Variants in HTR6 observed in about 807,000 individuals in gnomAD.
The protein encoded by HTR6 is 5-hydroxytryptamine receptor 6, also known as 5-hydroxytryptamine (serotonin) receptor 6, G protein-coupled.
A neutral mutation model predicts 17.4 loss-of-function variants in HTR6; 15 were observed. The ratio of observed to expected loss-of-function variants is 0.86; its 90% CI spans 0.58 to 1.33. The LOEUF is 1.33. HTR6 is among the 40% of genes most tolerant of loss of function. The pLI, the probability that HTR6 is intolerant of heterozygous loss-of-function variation, is 0.00. For synonymous variants in HTR6, 326 were observed against 295.5 expected (o/e 1.10, Z -1.06); for missense variants, 578 against 616.0 (o/e 0.94, Z 0.65).
chr1:19,665,762 A>G lies in HTR6; in HGVS notation c.9A>G (p.Pro3=). Residue 3 remains proline (P), a synonymous_variant, in exon 1 of 3, where the codon CCA becomes CCG. Transcript: ENST00000289753. The surrounding 1 kb of genome is among the most constrained non-coding windows in gnomAD (Gnocchi z 4.2). ...GTCCACCCTCGGTCCTCATGGTCCC[A>G]GAGCCGGGCCCAACCGCCAATAGCA... MV[P]EPGPTANSTP... 6.7e-7 allele frequency: 1 copy of G among 1,491,612 alleles called. No individual in the cohort carries two copies. The highest frequency in any genetic ancestry group is 8.9e-7 in the Non-Finnish European group (1 of 1,127,980). 92.4% of individuals were successfully genotyped at this position (1,491,612 alleles called of 1,614,324 possible).
rs772134041 is a variant in HTR6, at chr1:19,678,475, C to T, written c.715-92C>T. ...TTTAATCCTGGCACTAGGGCTCAGT[C>T]TAGAATTAGGATTGAAGCTCAGTCT... On this transcript the variant is annotated intron_variant, in intron 1 of 2. Coordinates refer to ENST00000289753, the MANE Select transcript of HTR6 (RefSeq NM_000871.3). 3 of 1,486,564 alleles carry T rather than the reference C, an allele frequency of 2.0e-6. No homozygotes were observed. The Admixed American group carries it at 5.0e-5, about 25-fold the overall frequency. 92.1% of individuals were successfully genotyped at this position (1,486,564 alleles called of 1,614,324 possible).
At position 19,665,538 on chromosome 1, in the gene HTR6, G is replaced by A. The variant is rs201655638; in HGVS notation, c.-216G>A. The A allele has an allele frequency of 3.1e-5, 14 of 446,128 alleles. No individual in the cohort carries two copies. In the South Asian group the frequency reaches 8.7e-4, roughly 28 times the overall value. The allele number at this position is 446,128 out of a possible 1,614,324, so 27.6% of individuals were successfully genotyped here. Reference sequence around the variant, plus strand: ...GAGTTCCTGCCCCATCCCCGAGGGCGCCCAAATAGCCACACTGTGTCCTCC... The same window carrying A: ...GAGTTCCTGCCCCATCCCCGAGGGCACCCAAATAGCCACACTGTGTCCTCC... On this transcript the variant is annotated 5_prime_UTR_variant, in exon 1 of 3. Coordinates refer to ENST00000289753, the MANE Select transcript of HTR6 (RefSeq NM_000871.3). This position sits in a 1 kb window ranked among gnomAD's most constrained non-coding sequence, Gnocchi z 4.2.
chr1:19,674,640 A>C (rs1346230115), intron 1 of HTR6, among the ~76,000 whole-genome samples: 3 of 152,172 alleles, frequency 2.0e-5, no homozygotes, highest in African/African-American at 7.2e-5. Context: ...TACTGACCTC[A>C]AGTGATCTGC....
intron 1 of HTR6, among the ~76,000 whole-genome samples, chr1:19,670,617 C>T (rs745899278): frequency 1.3e-5 from 2 of 152,006 alleles, no homozygotes; most frequent in Non-Finnish European, 2.9e-5. Context: ...GTGCACATCG[C>T]CACACCGGGC....
At chr1:19,677,860 C>T (rs996692024) in intron 1 of HTR6, among the ~76,000 whole-genome samples, 2 of 152,232 alleles carry the variant, frequency 1.3e-5, no homozygotes, top group African/African-American at 4.8e-5. Context: ...CTGCCTCAGT[C>T]TCCTGAGTAG....
intron 1 of HTR6, among the ~76,000 whole-genome samples, chr1:19,676,303 C>T (rs138903045): frequency 2.0e-5 from 3 of 152,278 alleles, no homozygotes; most frequent in Non-Finnish European, 4.4e-5. Context: ...GATCACAGAG[C>T]GAGTAAGTGG....
chr1:19,675,215 A>G (rs997255449), intron 1 of HTR6, among the ~76,000 whole-genome samples: 9 of 152,182 alleles, frequency 5.9e-5, no homozygotes, highest in Non-Finnish European at 8.8e-5. Context: ...CTGGCAAGTC[A>G]TTTTGCCTCT....
intron 1 of HTR6, among the ~76,000 whole-genome samples, chr1:19,669,419 C>T (rs1178527579): frequency 6.6e-6 from 1 of 152,206 alleles, no homozygotes; most frequent in African/African-American, 2.4e-5. Flanking sequence ...CCCTGTTAGA[C>T]AGGTGGGGAA....
rs1373464300 is a variant in HTR6 at position 19,680,181 on chromosome 1, G to A, written c.*813G>A. ...TGTCTTGAGAATTAAGACAATGTGT[G>A]CCCAGCACCCAGTACACGGTCAGTT... On this transcript the variant is annotated 3_prime_UTR_variant, in exon 3 of 3. Transcript: ENST00000289753. Among the ~76,000 whole-genome samples, 1 of 152,216 alleles carries A rather than the reference G, an allele frequency of 6.6e-6. No homozygotes were observed.
chr1:19,675,004 G>A (rs748855244), intron 1 of HTR6, among the ~76,000 whole-genome samples: 13 of 152,198 alleles, frequency 8.5e-5, no homozygotes, highest in Non-Finnish European at 1.6e-4. Flanking sequence ...CAGATGCCGG[G>A]GTGTGGACTA....
At chr1:19,678,161 T>C (rs1388878247) in intron 1 of HTR6, among the ~76,000 whole-genome samples, 3 of 152,176 alleles carry the variant, frequency 2.0e-5, no homozygotes, top group Non-Finnish European at 4.4e-5. Context: ...AACCATCTGA[T>C]TTGTGTTTCA....
At chr1:19,673,019 C>A (rs780311890) in intron 1 of HTR6, among the ~76,000 whole-genome samples, 7 of 152,144 alleles carry the variant, frequency 4.6e-5, no homozygotes, top group Non-Finnish European at 8.8e-5. Context: ...CCTCTCTTTT[C>A]CTGTTGTTGG....
intron 1 of HTR6, among the ~76,000 whole-genome samples, chr1:19,668,056 C>T (rs1294730079): frequency 1.3e-5 from 2 of 152,208 alleles, no homozygotes; most frequent in South Asian, 2.1e-4. Flanking sequence ...AAAGTTGCCC[C>T]TGCCTATCAC....
rs1345947547 is a variant in HTR6, at chr1:19,666,871, T to C, written c.714+404T>C. Among the ~76,000 whole-genome samples, 1 of 152,104 alleles carries C rather than the reference T, an allele frequency of 6.6e-6. No homozygotes were observed. Among genetic ancestry groups the C allele is most frequent in the East Asian group, 1.9e-4 (1 of 5,178 alleles). ...TGCTCTAAACAGGTGCCATCTCCCC[T>C]GCCACTTCCTACCGGGGAGGCTGTG... On this transcript the variant is annotated intron_variant, in intron 1 of 2. Coordinates refer to ENST00000289753, the MANE Select transcript of HTR6 (RefSeq NM_000871.3). This position sits in a 1 kb window ranked among gnomAD's most constrained non-coding sequence, Gnocchi z 4.5.
intron 1 of HTR6, among the ~76,000 whole-genome samples, chr1:19,673,244 G>C (rs2095090441): frequency 6.6e-6 from 1 of 152,138 alleles, no homozygotes; most frequent in Non-Finnish European, 1.5e-5. Flanking sequence ...AATCCTATGA[G>C]GTAGATGCTA....
chr1:19,679,350 TG>T lies in HTR6; in HGVS notation c.1307del (p.Gly436AlafsTer18). The T allele has an allele frequency of 6.3e-7, 1 of 1,595,824 alleles. No homozygotes were observed. The highest frequency in any genetic ancestry group is 8.5e-7 in the Non-Finnish European group (1 of 1,169,810). The part of the protein sequence containing the change: ...AEPELRPHPL[G>X]IPTN The stretch of plus-strand genomic sequence containing the variant: ...AGCCCGAGCTGCGGCCGCATCCACT[TG>T]GCATCCCCACGAACTGACCCGGGCT... On this transcript the variant is annotated frameshift_variant, in exon 3 of 3. Transcript: ENST00000289753. LOFTEE classifies it high-confidence loss of function. This position sits in a 1 kb window ranked among gnomAD's most constrained non-coding sequence, Gnocchi z 4.9.
In HTR6 at chr1:19,679,215, G is replaced by C. The variant is rs199755130; in HGVS notation, c.1170G>C (p.Ser390=). Residue 390 remains serine (S), a synonymous_variant, in exon 3 of 3, where the codon TCG becomes TCC. Transcript: ENST00000289753. The surrounding 1 kb of genome is among the most constrained non-coding windows in gnomAD (Gnocchi z 4.9). ...SDSDAGSGGS[S]GLRLTAQLLL... The stretch of plus-strand genomic sequence containing the variant: ...CAGACGCAGGCTCAGGCGGCTCCTC[G>C]GGCCTGCGGCTCACGGCCCAGCTGC... 8 of 1,568,158 alleles carry C rather than the reference G, an allele frequency of 5.1e-6. No homozygotes were observed. The highest frequency in any genetic ancestry group is 1.9e-5 in the Admixed American group (1 of 53,862).
rs201507718 is a variant in HTR6 at position 19,679,041 on chromosome 1, C to T, written c.996C>T (p.Gly332=). 590 of 1,614,128 alleles carry T rather than the reference C, an allele frequency of 3.7e-4. 1 individual carries two copies. Among genetic ancestry groups the T allele is most frequent in the Admixed American group, 1.8e-3 (107 of 60,028 alleles). Residue 332 remains glycine (G), a synonymous_variant, in exon 3 of 3, where the codon GGC becomes GGT. Transcript: ENST00000289753. The surrounding 1 kb of genome is among the most constrained non-coding windows in gnomAD (Gnocchi z 4.9). The part of the protein sequence containing the change: ...LFMRDFKRAL[G]RFLPCPRCPR... ...TGCGGGACTTCAAGCGGGCGCTGGGCAGGTTCCTGCCATGTCCACGCTGTC... is the reference window on the plus strand; with the variant it reads ...TGCGGGACTTCAAGCGGGCGCTGGGTAGGTTCCTGCCATGTCCACGCTGTC...
rs201400804 is a variant in HTR6, at chr1:19,665,963, G to A, written c.210G>A (p.Thr70=). 1.2e-6 allele frequency: 2 copies of A among 1,613,926 alleles called. No individual in the cohort carries two copies. The highest frequency in any genetic ancestry group is 1.7e-6 in the Non-Finnish European group (2 of 1,179,892). The change falls in exon 1 of 3, where the codon ACG becomes ACA. Residue 70 remains threonine (T), a synonymous_variant. Coordinates refer to ENST00000289753, the MANE Select transcript of HTR6 (RefSeq NM_000871.3). The surrounding 1 kb of genome is among the most constrained non-coding windows in gnomAD (Gnocchi z 4.2). ...ACTTCTTCCTGGTGTCGCTCTTCACGTCTGACCTGATGGTGGGGCTGGTGG... is the reference window on the plus strand; with the variant it reads ...ACTTCTTCCTGGTGTCGCTCTTCACATCTGACCTGATGGTGGGGCTGGTGG... ...TSNFFLVSLF[T]SDLMVGLVVM... is the part of the protein sequence containing the mutation.
Sources: gnomAD v4.1 joint callset for allele counts (sites outside exome capture counted in the v4.1 genomes callset) on GRCh38, gnomAD v4.1.1 for gene constraint, Gnocchi (gnomAD v3.1) non-coding constraint, MANE v1.5 for transcripts, NCBI Gene and HGNC (gene_info 2026-07-23, HGNC 2026-07-21) for gene names.